The following LITAF variants were observed in gnomAD, a reference collection of about 807,000 sequenced individuals.
LITAF encodes the protein lipopolysaccharide induced TNF factor, also known as lipopolysaccharide-induced tumor necrosis factor-alpha factor.
Under a neutral mutation model 14.5 loss-of-function variants are expected in LITAF, and 9 were observed. That is an observed-to-expected ratio of 0.62 (90% CI 0.37 to 1.08). LITAF has a LOEUF of 1.08. LITAF is among the 50% of genes least tolerant of loss of function. The pLI, the probability that LITAF is intolerant of heterozygous loss-of-function variation, is 0.01. For synonymous variants in LITAF, 98 were observed against 88.2 expected, an observed-to-expected ratio of 1.11 and a Z score of -0.62; for missense variants, 206 against 213.4, an observed-to-expected ratio of 0.97 and a Z score of 0.22.
intron 3 of LITAF, among the ~76,000 whole-genome samples, chr16:11,625,264 C>A (rs949870868): frequency 7.7e-6 from 1 of 129,932 alleles, no homozygotes; most frequent in Non-Finnish European, 1.5e-5. Context: ...CTCCCAAAAA[C>A]CTTTTTTTTT....
At chr16:11,599,634 C>T (rs1022848547), upstream of LITAF, among the ~76,000 whole-genome samples, 2 of 152,148 alleles carry the variant, frequency 1.3e-5, no homozygotes, top group Non-Finnish European at 2.9e-5. Context: ...GACTCAGTCT[C>T]CCCAAAGCCC....
intron 1 of LITAF, among the ~76,000 whole-genome samples, chr16:11,594,437 G>A (rs1210039364): frequency 6.6e-6 from 1 of 152,046 alleles, no homozygotes; most frequent in Non-Finnish European, 1.5e-5. Flanking sequence ...CTTTTCCTCT[G>A]GGTGTACTCT....
chr16:11,637,116 C>T (rs1253479987), upstream of LITAF, among the ~76,000 whole-genome samples: 4 of 152,188 alleles, frequency 2.6e-5, no homozygotes, highest in African/African-American at 9.7e-5. Context: ...GTCTCAAACT[C>T]CTGATCTCAG....
upstream of LITAF, among the ~76,000 whole-genome samples, chr16:11,638,054 CTATATA>C (rs372075411): frequency 4.2e-5 from 2 of 48,114 alleles, no homozygotes; most frequent in South Asian, 5.3e-4. Context: ...ATATATATAT[CTATATA>C]TATATCTATA....
upstream of LITAF, among the ~76,000 whole-genome samples, chr16:11,601,671 T>A (rs1188369455): frequency 3.3e-5 from 5 of 151,992 alleles, no homozygotes; most frequent in Admixed American, 2.6e-4. Context: ...CTGGGCTCAA[T>A]CAATCCTCCC....
Position 11,632,021 on chromosome 16 carries a change from C to T in LITAF, c.85+1512G>A, listed in dbSNP as rs1159297392. On this transcript the variant is annotated intron_variant, in intron 3 of 3. Coordinates refer to the LITAF transcript ENST00000574848. The surrounding 1 kb of genome is among the most constrained non-coding windows in gnomAD (Gnocchi z 4.8). ...AGCTGGGATTACAGGTGTGCGCCACCACGCCCGGCTAATTTTTTTGTCTTT... is the reference window on the plus strand; with the variant it reads ...AGCTGGGATTACAGGTGTGCGCCACTACGCCCGGCTAATTTTTTTGTCTTT... Among the ~76,000 whole-genome samples, 1 of 151,972 alleles carries T rather than the reference C, an allele frequency of 6.6e-6. No homozygotes were observed. Among genetic ancestry groups the T allele is most frequent in the Non-Finnish European group, 1.5e-5 (1 of 67,982 alleles).
chr16:11,589,410 C>G (rs1039788101), upstream of LITAF, among the ~76,000 whole-genome samples: 2 of 152,158 alleles, frequency 1.3e-5, no homozygotes, highest in Non-Finnish European at 2.9e-5. Context: ...CACCTCTGTC[C>G]AACATTGTCC....
At chr16:11,556,474 A>G (rs1162336397) in intron 2 of LITAF, 37 bp downstream of exon 2, 2 of 1,571,462 alleles carry the variant, frequency 1.3e-6, no homozygotes, top group East Asian at 2.3e-5. Context: ...GTGGAGGGCC[A>G]AGGAATGGTA....
chr16:11,598,964 C>T (rs192195559), upstream of LITAF, among the ~76,000 whole-genome samples: 132 of 150,610 alleles, frequency 8.8e-4, no homozygotes, highest in Non-Finnish European at 1.6e-3. Flanking sequence ...GGATTACAGG[C>T]ACCCGCCACC....
chr16:11,571,049 A>T (rs2064534517), intron 1 of LITAF, among the ~76,000 whole-genome samples: 1 of 152,128 alleles, frequency 6.6e-6, no homozygotes, highest in African/African-American at 2.4e-5. Context: ...CTCCAGGAGC[A>T]CAGTCCAGCT....
At chr16:11,626,825 A>G (rs934684859) in intron 3 of LITAF, among the ~76,000 whole-genome samples, 2 of 151,990 alleles carry the variant, frequency 1.3e-5, no homozygotes, top group Non-Finnish European at 2.9e-5. Flanking sequence ...TTAATGTGCT[A>G]CTGGTGAAAA....
intron 1 of LITAF, among the ~76,000 whole-genome samples, chr16:11,573,964 A>T (rs1287250169): frequency 6.6e-6 from 1 of 151,212 alleles, no homozygotes; most frequent in Non-Finnish European, 1.5e-5. Flanking sequence ...GGGCTCCCAA[A>T]GTGCTGGGAT....
chr16:11,621,142 G>A (rs1040035139), intron 3 of LITAF, among the ~76,000 whole-genome samples: 7 of 151,864 alleles, frequency 4.6e-5, no homozygotes, highest in African/African-American at 1.2e-4. Flanking sequence ...TCGGCTCACC[G>A]CAACCTCCGC....
intron 3 of LITAF, among the ~76,000 whole-genome samples, chr16:11,619,868 C>T (rs1219110966): frequency 6.6e-6 from 1 of 152,098 alleles, no homozygotes; most frequent in Non-Finnish European, 1.5e-5. Context: ...CCACATCTCA[C>T]GTTGAAATGT....
At chr16:11,570,261 C>T (rs528054946) in intron 1 of LITAF, among the ~76,000 whole-genome samples, 13 of 152,168 alleles carry the variant, frequency 8.5e-5, no homozygotes, top group South Asian at 4.1e-4. Flanking sequence ...CAAAATACAC[C>T]GGAACATTGG....
intron 1 of LITAF, among the ~76,000 whole-genome samples, chr16:11,579,625 T>C (rs2064702942): frequency 6.6e-6 from 1 of 152,142 alleles, no homozygotes; most frequent in South Asian, 2.1e-4. Flanking sequence ...GTCTGGAGTT[T>C]GGTGAACAAT....
chr16:11,559,021 T>C lies in LITAF; in HGVS notation c.-5-2286A>G, dbSNP rs570183499. 5.7e-3 allele frequency among the ~76,000 whole-genome samples: 865 copies of C among 151,992 alleles called. 9 individuals carry two copies. The highest frequency in any genetic ancestry group is 0.019 in the African/African-American group (776 of 41,444). ...CCAGCACTTTGGGAGGTCGAGGCAG[T>C]GGGATTACTTGAGCCCAGGAGTTCA... On this transcript the variant is annotated intron_variant, in intron 1 of 3. Coordinates refer to ENST00000622633, the MANE Select transcript of LITAF (RefSeq NM_001136472.2).
upstream of LITAF, among the ~76,000 whole-genome samples, chr16:11,638,060 ATATAT>A (rs1567271080): frequency 7.8e-6 from 1 of 127,944 alleles, no homozygotes; most frequent in African/African-American, 3.2e-5. Context: ...ATATCTATAT[ATATAT>A]CTATATATAT....
chr16:11,549,824 T>A lies in LITAF; in HGVS notation c.378-79A>T. 1 of 1,106,484 alleles carries A rather than the reference T, an allele frequency of 9.0e-7. No individual in the cohort carries two copies. The highest frequency in any genetic ancestry group is 1.5e-5 in the African/African-American group (1 of 64,584). 68.5% of individuals were successfully genotyped at this position (1,106,484 alleles called of 1,614,324 possible). On this transcript the variant is annotated intron_variant, in intron 3 of 3. Transcript: ENST00000622633. This position sits in a 1 kb window ranked among gnomAD's most constrained non-coding sequence, Gnocchi z 4.6. ...ACTGGCTGCCAAAACCATGTTCATGTCCTTCTTTGTAAAAAGGGTCTTTGC... is the reference window on the plus strand; with the variant it reads ...ACTGGCTGCCAAAACCATGTTCATGACCTTCTTTGTAAAAAGGGTCTTTGC...
Sources: allele counts gnomAD v4.1 joint callset (sites outside exome capture counted in the v4.1 genomes callset), GRCh38; gene constraint gnomAD v4.1.1; non-coding constraint Gnocchi (gnomAD v3.1); transcripts MANE v1.5; gene names NCBI Gene and HGNC (gene_info 2026-07-23, HGNC 2026-07-21).